EPB41L5: variants seen among roughly 807,000 people sequenced by gnomAD.
The protein encoded by EPB41L5 is erythrocyte membrane protein band 4.1 like 5.
EPB41L5 carries 55 observed loss-of-function variants against 106.6 expected under a neutral mutation model. The observed-to-expected ratio is 0.52, with a 90% confidence interval of 0.42 to 0.65. EPB41L5 has a LOEUF of 0.65. Ranked by LOEUF, EPB41L5 falls within the 30% of genes least tolerant of loss-of-function variation. The pLI, the probability that EPB41L5 is intolerant of heterozygous loss-of-function variation, is 0.00. For synonymous variants in EPB41L5, 297 were observed against 306.7 expected (o/e 0.97, Z 0.33); for missense variants, 871 against 882.1 (o/e 0.99, Z 0.16).
At chr2:120,096,742 A>G (rs996433647) in intron 14 of EPB41L5, among the ~76,000 whole-genome samples, 10 of 152,208 alleles carry the variant, frequency 6.6e-5, no homozygotes, top group Non-Finnish European at 1.3e-4. Context: ...CTGAGCCGAG[A>G]CTGCGCCACT....
intron 7 of EPB41L5, 83 bp downstream of exon 7, chr2:120,075,836 G>A: frequency 3.6e-6 from 4 of 1,112,500 alleles, no homozygotes; most frequent in Non-Finnish European, 1.4e-6. Flanking sequence ...TTCTAATTAT[G>A]TGCAAGAAAA....
Position 120,046,995 on chromosome 2 carries a change from G to A in EPB41L5, c.285+4885G>A, listed in dbSNP as rs542111224. On this transcript the variant is annotated intron_variant, in intron 3 of 24. Transcript: ENST00000263713. ...TAGATGTGTGGTATTATTTCTGAGG[G>A]CTCTGTTCTGTTCCATTGGTCTATG... 8.6e-5 allele frequency among the ~76,000 whole-genome samples: 13 copies of A among 151,982 alleles called. No individual in the cohort carries two copies. The South Asian group carries it at 2.3e-3, about 27-fold the overall frequency.
In EPB41L5 at chr2:120,087,162, A is replaced by G. The variant is rs770913798; in HGVS notation, c.804-9A>G. 1.3e-6 allele frequency: 2 copies of G among 1,530,214 alleles called. No homozygotes were observed. The highest frequency in any genetic ancestry group is 9.0e-7 in the Non-Finnish European group (1 of 1,113,594). 94.8% of individuals were successfully genotyped at this position (1,530,214 alleles called of 1,614,324 possible). A position where few individuals can be genotyped will look rare whatever the true frequency, so the allele number is the denominator to read the frequency against. On this transcript the variant is annotated splice_polypyrimidine_tract_variant and intron_variant, in intron 10 of 24. Transcript: ENST00000263713. ...GTAATTTGGCTTTTATTCTCTTATT[A>G]TATTATAGGCCGAAGATAACCAGAT...
intron 17 of EPB41L5, among the ~76,000 whole-genome samples, chr2:120,130,525 AAG>A (rs1052772072): frequency 3.9e-5 from 6 of 152,204 alleles, no homozygotes; most frequent in Non-Finnish European, 5.9e-5. Context: ...CAACAACAAA[AAG>A]AGTATTCAGG....
intron 10 of EPB41L5, among the ~76,000 whole-genome samples, chr2:120,081,868 G>A (rs1282263821): frequency 6.6e-6 from 1 of 152,080 alleles, no homozygotes; most frequent in Non-Finnish European, 1.5e-5. Context: ...TCTCTTTGAA[G>A]CAATTGTGAA....
chr2:120,055,025 C>T (rs1228487312), intron 3 of EPB41L5, among the ~76,000 whole-genome samples: 2 of 151,892 alleles, frequency 1.3e-5, no homozygotes, highest in African/African-American at 4.8e-5. Context: ...CACCACCATG[C>T]CCAGCTAATT....
Position 120,074,108 on chromosome 2 carries a change from C to A in EPB41L5, c.337C>A (p.Pro113Thr). 1 of 1,609,448 alleles carries A rather than the reference C, an allele frequency of 6.2e-7. No homozygotes were observed. Among genetic ancestry groups the A allele is most frequent in the Non-Finnish European group, 8.5e-7 (1 of 1,177,350 alleles). Residue 113 changes from proline to threonine, a missense_variant, in exon 5 of 25, where the codon CCC becomes ACC. Pro to Thr is a conservative substitution (Grantham distance 38, BLOSUM62 -1). Coordinates refer to ENST00000263713, the MANE Select transcript of EPB41L5 (RefSeq NM_020909.4). Reference sequence around the variant, plus strand: ...TTTTTTTTAAATGACAGTTGGTTCACCCTATTGTCTGCATCTTCGAGTTAA... The same window carrying A: ...TTTTTTTTAAATGACAGTTGGTTCAACCTATTGTCTGCATCTTCGAGTTAA... ...SIKKQVKIGS[P>T]YCLHLRVKFY...
chr2:120,075,492 C>T lies in EPB41L5; in HGVS notation c.424C>T (p.Gln142Ter). The T allele has an allele frequency of 6.4e-7, 1 of 1,568,046 alleles. No individual in the cohort carries two copies. Among genetic ancestry groups the T allele is most frequent in the Non-Finnish European group, 8.8e-7 (1 of 1,141,286 alleles). ...TTTTCTTAGGTATTTATTTGTTCTT[C>T]AGTTAAAACAAGATATTCTCAGTGG... ...EELTRYLFVL[Q>*]LKQDILSGKL... The change falls in exon 6 of 25, where the codon CAG (glutamine) becomes TAG (stop). Residue 142 changes from glutamine (Q) to a stop codon, truncating the protein, a stop_gained. Coordinates refer to ENST00000263713, the MANE Select transcript of EPB41L5 (RefSeq NM_020909.4). LOFTEE classifies it high-confidence loss of function.
intron 16 of EPB41L5, among the ~76,000 whole-genome samples, chr2:120,126,137 AAGT>A (rs1341983903): frequency 1.3e-5 from 2 of 152,190 alleles, no homozygotes; most frequent in Non-Finnish European, 2.9e-5. Context: ...TTAATATAGT[AAGT>A]AATATATATA....
intron 16 of EPB41L5, chr2:120,104,631 A>G (rs1248811065): frequency 1.0e-6 from 1 of 988,216 alleles, no homozygotes; most frequent in African/African-American, 1.7e-5. Context: ...CACACTAAAA[A>G]CACAGTGGAA....
At chr2:120,088,254 C>T (rs1163134075) in intron 11 of EPB41L5, among the ~76,000 whole-genome samples, 1 of 152,026 alleles carries the variant, frequency 6.6e-6, no homozygotes. Flanking sequence ...TACTATGCAG[C>T]CATAAAAAAG....
chr2:120,095,380 A>AT (rs1451268447), intron 14 of EPB41L5, among the ~76,000 whole-genome samples: 2 of 151,804 alleles, frequency 1.3e-5, no homozygotes, highest in Non-Finnish European at 2.9e-5. Flanking sequence ...TTTACCCATT[A>AT]TTTCTCTAGA....
intron 16 of EPB41L5, among the ~76,000 whole-genome samples, chr2:120,120,100 A>G (rs1420205404): frequency 6.6e-6 from 1 of 152,194 alleles, no homozygotes; most frequent in Non-Finnish European, 1.5e-5. Flanking sequence ...GAGGAAAAGA[A>G]AAACTTCAAT....
rs908169553 is a variant in EPB41L5, at chr2:120,088,216, C to T, written c.873+976C>T. ...TCTGCTCAGTAATTTGACTGCTATA[C>T]TTTTCCTGTTTTAAACACACAATGG... On this transcript the variant is annotated intron_variant, in intron 11 of 24. Coordinates refer to ENST00000263713, the MANE Select transcript of EPB41L5 (RefSeq NM_020909.4). 3.9e-5 allele frequency among the ~76,000 whole-genome samples: 6 copies of T among 152,022 alleles called. 1 individual carries two copies. The highest frequency in any genetic ancestry group is 3.3e-4 in the Admixed American group (5 of 15,256).
Position 120,131,692 on chromosome 2 carries a change from A to G in EPB41L5, c.1576A>G (p.Ile526Val). The change falls in exon 18 of 25, where the codon ATC (isoleucine) becomes GTC (valine). Residue 526 changes from isoleucine (I) to valine (V), a missense_variant. By Grantham distance (29) the Ile-to-Val change is conservative. Transcript: ENST00000263713. ...NSPLLSPRSN[I>V]DVNINSQEEV... Reference sequence around the variant, plus strand: ...TCCTTTGCTGTCCCCTCGATCCAACATCGATGTTAACATAAACAGCCAGGT... The same window carrying G: ...TCCTTTGCTGTCCCCTCGATCCAACGTCGATGTTAACATAAACAGCCAGGT... 6.2e-7 allele frequency: 1 copy of G among 1,613,762 alleles called. No homozygotes were observed. Among genetic ancestry groups the G allele is most frequent in the Non-Finnish European group, 8.5e-7 (1 of 1,179,770 alleles).
chr2:120,135,864 A>G (rs779440326), intron 18 of EPB41L5, among the ~76,000 whole-genome samples: 27 of 152,166 alleles, frequency 1.8e-4, no homozygotes, highest in Non-Finnish European at 3.5e-4. Context: ...CTGAAAGGAA[A>G]AGATGTTAAT....
intron 2 of EPB41L5, among the ~76,000 whole-genome samples, chr2:120,020,273 A>G (rs1186192191): frequency 6.6e-6 from 1 of 152,226 alleles, no homozygotes; most frequent in Non-Finnish European, 1.5e-5. Context: ...GCTGTAATAC[A>G]TAATTGAATA....
At chr2:120,106,902 A>G in intron 16 of EPB41L5, 4 of 973,480 alleles carry the variant, frequency 4.1e-6, no homozygotes, top group Non-Finnish European at 4.9e-6. Context: ...AGAAAAATAA[A>G]TTTTATTTGT....
intron 9 of EPB41L5, among the ~76,000 whole-genome samples, chr2:120,078,080 C>G (rs1448485537): frequency 6.6e-6 from 1 of 152,162 alleles, no homozygotes; most frequent in Non-Finnish European, 1.5e-5. Flanking sequence ...TCAGTCACCT[C>G]CCACCAGGCC....
Sources: allele counts gnomAD v4.1 joint callset (sites outside exome capture counted in the v4.1 genomes callset), GRCh38; gene constraint gnomAD v4.1.1; transcripts MANE v1.5; gene names NCBI Gene and HGNC (gene_info 2026-07-23, HGNC 2026-07-21).